The following DNAH11 variants were observed in gnomAD, a reference collection of about 807,000 sequenced individuals.
DNAH11 encodes the protein dynein axonemal heavy chain 11, also known as axonemal beta dynein heavy chain 11.
A neutral mutation model predicts 526.0 loss-of-function variants in DNAH11; 442 were observed. That is an observed-to-expected ratio of 0.84 (90% confidence interval 0.78 to 0.91). DNAH11 has a LOEUF of 0.91. Among genes scored for constraint, DNAH11 ranks in the 40% least tolerant of loss-of-function variants. The probability of loss-of-function intolerance (pLI) is 0.00; values close to 1 mark genes in which losing one functional copy is unlikely to be tolerated. For missense variants in DNAH11, 6,989 were observed against 5,448.7 expected (o/e 1.28, Z -8.90); for synonymous variants, 2,461 against 1,935.9 (o/e 1.27, Z -7.12).
intron 65 of DNAH11, among the ~76,000 whole-genome samples, chr7:21,832,376 C>T (rs942053219): frequency 3.9e-5 from 6 of 152,178 alleles, no homozygotes; most frequent in African/African-American, 9.7e-5. Flanking sequence ...GACAAAATCT[C>T]TCAGCATTTG....
At chr7:21,799,234 C>T (rs1788854225) in intron 61 of DNAH11, among the ~76,000 whole-genome samples, 1 of 152,120 alleles carries the variant, frequency 6.6e-6, no homozygotes, top group African/African-American at 2.4e-5. Flanking sequence ...AAATATCAAC[C>T]CAAGGAGTCT....
At chr7:21,686,155 A>C (rs73273576) in intron 32 of DNAH11, among the ~76,000 whole-genome samples, 6,896 of 152,304 alleles carry the variant, frequency 0.045, 457 homozygotes, top group African/African-American at 0.15. Context: ...TTCTATTTGC[A>C]TAGTACTTTC....
At chr7:21,697,346 C>G (rs1364457167) in intron 35 of DNAH11, among the ~76,000 whole-genome samples, 2 of 152,020 alleles carry the variant, frequency 1.3e-5, no homozygotes, top group African/African-American at 4.8e-5. Flanking sequence ...AAAAGTCTAT[C>G]CCAGTTGGTC....
chr7:21,678,410 A>T (rs927882905), intron 30 of DNAH11, among the ~76,000 whole-genome samples: 1 of 152,088 alleles, frequency 6.6e-6, no homozygotes, highest in Non-Finnish European at 1.5e-5. Context: ...CCACTGGTCT[A>T]TGTGCCTTTT....
intron 45 of DNAH11, among the ~76,000 whole-genome samples, chr7:21,726,483 T>C (rs1386887313): frequency 1.3e-5 from 2 of 151,654 alleles, no homozygotes; most frequent in East Asian, 1.9e-4. Flanking sequence ...TTTTTTTTTC[T>C]TTCTTGCCTG....
At chr7:21,563,151 A>T (rs1399502557) in intron 5 of DNAH11, among the ~76,000 whole-genome samples, 1 of 152,172 alleles carries the variant, frequency 6.6e-6, no homozygotes, top group Non-Finnish European at 1.5e-5. Flanking sequence ...GTCATTAATG[A>T]GAGTTAAATA....
chr7:21,765,658 A>ACACT (rs1442413256), intron 55 of DNAH11, 69 bp downstream of exon 55: 8 of 1,362,760 alleles, frequency 5.9e-6, no homozygotes, highest in South Asian at 1.6e-5. Context: ...ACACACACAC[A>ACACT]CTCTGAAAAT....
At position 21,571,813 on chromosome 7, in the gene DNAH11, T is replaced by C; in HGVS notation, c.1433T>C (p.Phe478Ser). 3.1e-6 allele frequency: 5 copies of C among 1,611,440 alleles called. No individual in the cohort carries two copies. Among genetic ancestry groups the C allele is most frequent in the Non-Finnish European group, 4.2e-6 (5 of 1,179,032 alleles). The change falls in exon 8 of 82, where the codon TTT (phenylalanine) becomes TCT (serine). Residue 478 changes from phenylalanine to serine, a missense_variant. Physicochemically the swap from Phe to Ser is radical, Grantham distance 155. Transcript: ENST00000409508. ...LDRLIKIEDI[F>S]ATTLEFEKLE... is the part of the protein sequence containing the mutation. ...ACTGTGTTTTTTACAAAGGATATAT[T>C]TGCCACCACTTTGGAATTTGAAAAG...
intron 70 of DNAH11, among the ~76,000 whole-genome samples, chr7:21,866,218 C>G (rs1783271037): frequency 6.6e-6 from 1 of 151,702 alleles, no homozygotes; most frequent in Non-Finnish European, 1.5e-5. Flanking sequence ...CTTCTCCAGT[C>G]TTCCAGGCTC....
intron 65 of DNAH11, among the ~76,000 whole-genome samples, chr7:21,824,207 A>T (rs1206353817): frequency 6.6e-6 from 1 of 152,180 alleles, no homozygotes; most frequent in Admixed American, 6.5e-5. Flanking sequence ...TTTAATACTG[A>T]TACCTATAAA....
intron 63 of DNAH11, among the ~76,000 whole-genome samples, chr7:21,809,426 C>A (rs951778707): frequency 4.0e-5 from 6 of 151,794 alleles, no homozygotes; most frequent in African/African-American, 1.2e-4. Context: ...TGGTCTTAAC[C>A]AAAAAATCTT....
At chr7:21,720,946 T>A in intron 44 of DNAH11, 90 bp downstream of exon 44, 3 of 1,475,740 alleles carry the variant, frequency 2.0e-6, no homozygotes, top group Non-Finnish European at 1.8e-6. Context: ...TGTACCTTTT[T>A]GTTATGTTAT....
intron 30 of DNAH11, among the ~76,000 whole-genome samples, chr7:21,678,243 T>A (rs115056961): frequency 1.3e-5 from 2 of 152,090 alleles, no homozygotes; most frequent in Non-Finnish European, 2.9e-5. Flanking sequence ...TGAGTTTTTT[T>A]TGTGTGTGTA....
At chr7:21,732,159 C>CT in intron 45 of DNAH11, among the ~76,000 whole-genome samples, 1 of 152,268 alleles carries the variant, frequency 6.6e-6, no homozygotes, top group South Asian at 2.1e-4. Context: ...ACAGAAGTTT[C>CT]TTTTTTCACA....
chr7:21,615,357 G>T, intron 21 of DNAH11, 85 bp downstream of exon 21: 1 of 1,462,288 alleles, frequency 6.8e-7, no homozygotes, highest in South Asian at 1.4e-5. Flanking sequence ...ATTCTATTTG[G>T]GTTTTATAAT....
chr7:21,864,629 T>C lies in DNAH11; in HGVS notation c.11468T>C (p.Leu3823Pro). ...EHTHLSPVDF[L>P]TSQSWSAIKA... The stretch of plus-strand genomic sequence containing the variant: ...ACTCATCTGAGTCCCGTTGACTTCC[T>C]AACTTCTCAGTCATGGAGTGCTATC... Residue 3823 changes from leucine (L) to proline (P), a missense_variant, in exon 70 of 82, where the codon CTA (leucine) becomes CCA (proline). By Grantham distance (98) the Leu-to-Pro change is moderately conservative. Transcript: ENST00000409508. 1 of 1,608,202 alleles carries C rather than the reference T, an allele frequency of 6.2e-7. No individual in the cohort carries two copies. Among genetic ancestry groups the C allele is most frequent in the Non-Finnish European group, 8.5e-7 (1 of 1,177,262 alleles).
At chr7:21,634,856 TAA>T (rs1404195394) in intron 25 of DNAH11, among the ~76,000 whole-genome samples, 2 of 152,132 alleles carry the variant, frequency 1.3e-5, no homozygotes, top group Non-Finnish European at 2.9e-5. Context: ...AGGACAGATT[TAA>T]AACATTTAAG....
intron 49 of DNAH11, among the ~76,000 whole-genome samples, chr7:21,743,544 C>A (rs575751842): frequency 6.6e-6 from 1 of 152,108 alleles, no homozygotes; most frequent in African/African-American, 2.4e-5. Context: ...TCCATAGGAC[C>A]TCTTTATATT....
intron 61 of DNAH11, among the ~76,000 whole-genome samples, chr7:21,789,643 A>G (rs975016994): frequency 6.6e-6 from 1 of 152,132 alleles, no homozygotes; most frequent in South Asian, 2.1e-4. Context: ...GAGTCAGACT[A>G]TCTGGCTTAT....
Sources: gnomAD v4.1 joint callset for allele counts (sites outside exome capture counted in the v4.1 genomes callset) on GRCh38, gnomAD v4.1.1 for gene constraint, MANE v1.5 for transcripts, NCBI Gene and HGNC (gene_info 2026-07-23, HGNC 2026-07-21) for gene names.